The following RBM5 variants were observed in gnomAD, a reference collection of about 807,000 sequenced individuals.
RBM5 encodes RNA-binding protein 5.
Under a neutral mutation model 124.6 loss-of-function variants are expected in RBM5, and 15 were observed. That is an observed-to-expected ratio of 0.12 (90% CI 0.08 to 0.19). The LOEUF (loss-of-function observed/expected upper bound fraction) is 0.19, where lower values mean the gene tolerates loss of function less well. RBM5 is among the 10% of genes least tolerant of loss of function. The probability of loss-of-function intolerance (pLI) is 1.00; values close to 1 mark genes in which losing one functional copy is unlikely to be tolerated. For synonymous variants in RBM5, 337 were observed against 361.2 expected (o/e 0.93, Z 0.76); for missense variants, 580 against 1,026.5 (o/e 0.57, Z 5.94).
chr3:50,104,615 C>A, intron 8 of RBM5: 1 of 298,922 alleles, frequency 3.3e-6, no homozygotes, highest in Non-Finnish European at 6.3e-6. Context: ...TGCACTCCAG[C>A]CTGGGCAACA....
At chr3:50,098,398 A>G (rs968636710) in intron 4 of RBM5, among the ~76,000 whole-genome samples, 1 of 151,784 alleles carries the variant, frequency 6.6e-6, no homozygotes, top group Non-Finnish European at 1.5e-5. Flanking sequence ...CTCCCAGGTA[A>G]CTAGGACTAC....
chr3:50,103,128 A>C lies in RBM5; in HGVS notation c.529A>C (p.Asn177His), dbSNP rs1380886384. 4 of 1,612,846 alleles carry C rather than the reference A, an allele frequency of 2.5e-6. No homozygotes were observed. The highest frequency in any genetic ancestry group is 3.4e-6 in the Non-Finnish European group (4 of 1,178,912). Residue 177 changes from asparagine to histidine, a missense_variant, in exon 7 of 25, where the codon AAT becomes CAT. Asn to His is a moderately conservative substitution (Grantham distance 68). This residue lies in a region of RBM5 where 101 missense variants were observed against 223.2 expected (regional missense o/e 0.45). Coordinates refer to ENST00000347869, the MANE Select transcript of RBM5 (RefSeq NM_005778.4). ...AAAGCACATTGCAATGCATTATAGC[A>C]ATCCCAGACCTAAGTTTGAAGATTG... Reference protein sequence around the residue: ...QGKHIAMHYSNPRPKFEDWLC... With the variant: ...QGKHIAMHYSHPRPKFEDWLC...
intron 12 of RBM5, 98 bp downstream of exon 12, chr3:50,107,667 CTTTTCTTTTT>C: frequency 2.2e-5 from 3 of 135,136 alleles, no homozygotes; most frequent in Non-Finnish European, 4.0e-5. Flanking sequence ...GAGCTCTTTT[CTTTTCTTTTT>C]TTTTTTTTTT....
chr3:50,112,414 T>TAAAAAAAAAAAAAAAA (rs58011975), intron 17 of RBM5, among the ~76,000 whole-genome samples: 1 of 88,240 alleles, frequency 1.1e-5, no homozygotes, highest in African/African-American at 4.8e-5. Flanking sequence ...AGACTCTGTC[T>TAAAAAAAAAAAAAAAA]AAAAAAAAAA....
chr3:50,105,282 C>G (rs1575320467), intron 9 of RBM5, 140 bp downstream of exon 9: 1 of 716,742 alleles, frequency 1.4e-6, no homozygotes, highest in East Asian at 2.8e-5. Flanking sequence ...GTGGCACACA[C>G]CTGTAATCCC....
rs1481812649 is a variant in RBM5 at position 50,113,388 on chromosome 3, C to T, written c.1461C>T (p.Tyr487=). 1.2e-6 allele frequency: 2 copies of T among 1,610,236 alleles called. No individual in the cohort carries two copies. The highest frequency in any genetic ancestry group is 2.7e-5 in the African/African-American group (2 of 74,702). ...TTTTGTTTGTTGTTTTCTAGTACTACTATAATTCCTTGACCCAGCAGTACC... is the reference window on the plus strand; with the variant it reads ...TTTTGTTTGTTGTTTTCTAGTACTATTATAATTCCTTGACCCAGCAGTACC... The part of the protein sequence containing the change: ...GLYYDPNSQY[Y]YNSLTQQYLY... The change falls in exon 18 of 25, where the codon TAC becomes TAT. Residue 487 remains tyrosine, a synonymous_variant. Coordinates refer to ENST00000347869, the MANE Select transcript of RBM5 (RefSeq NM_005778.4).
Position 50,118,554 on chromosome 3 carries a change from GTTAATAGATC to G in RBM5, c.*102_*111del, listed in dbSNP as rs2091301187. 1 of 1,479,090 alleles carries G rather than the reference GTTAATAGATC, an allele frequency of 6.8e-7. No individual in the cohort carries two copies. The highest frequency in any genetic ancestry group is 2.0e-5 in the Admixed American group (1 of 50,276). The allele number at this position is 1,479,090 out of a possible 1,614,324, so 91.6% of individuals were successfully genotyped here. ...TCTCTTTAAGGGCATGCCTTGTGCT[GTTAATAGATC>G]TTAGGGTGAACCACTTCATTCTGCA... On this transcript the variant is annotated 3_prime_UTR_variant, in exon 25 of 25. Coordinates refer to ENST00000347869, the MANE Select transcript of RBM5 (RefSeq NM_005778.4).
At position 50,092,087 on chromosome 3, in the gene RBM5, A is replaced by G; in HGVS notation, c.62A>G (p.Asp21Gly). ...AGTGGAAGATACGGTTCCATCATAGACAGGGATGACCGTGATGAGCGTGAA... is the reference window on the plus strand; with the variant it reads ...AGTGGAAGATACGGTTCCATCATAGGCAGGGATGACCGTGATGAGCGTGAA... ...ERSGRYGSII[D>G]RDDRDERESR... Residue 21 changes from aspartate (D) to glycine (G), a missense_variant, in exon 3 of 25, where the codon GAC becomes GGC. This residue lies in a region of RBM5 where 99 missense variants were observed against 121.1 expected (regional missense o/e 0.82). Transcript: ENST00000347869. 1 of 1,614,128 alleles carries G rather than the reference A, an allele frequency of 6.2e-7. No homozygotes were observed. The highest frequency in any genetic ancestry group is 8.5e-7 in the Non-Finnish European group (1 of 1,179,976).
chr3:50,100,267 G>T lies in RBM5; in HGVS notation c.409+216G>T. On this transcript the variant is annotated intron_variant, in intron 5 of 24. Transcript: ENST00000347869. This position sits in a 1 kb window ranked among gnomAD's most constrained non-coding sequence, Gnocchi z 5.1. ...ACTTTTTTTTCCTTAGGTAAGTAAT[G>T]ATTTATAAACTCCTTTTTTTTTTTG... is the stretch of plus-strand genomic sequence containing the variant. The T allele has an allele frequency of 5.3e-6, 3 of 571,238 alleles. No homozygotes were observed. The highest frequency in any genetic ancestry group is 2.7e-5 in the South Asian group (1 of 36,986). The allele number at this position is 571,238 out of a possible 1,614,324, so 35.4% of individuals were successfully genotyped here.
intron 4 of RBM5, chr3:50,099,467 GC>G (rs768843525): frequency 1.3e-5 from 2 of 152,140 alleles, no homozygotes; most frequent in Admixed American, 6.6e-5. Context: ...GATATGGGAG[GC>G]TGGCATATCA....
intron 7 of RBM5, among the ~76,000 whole-genome samples, chr3:50,103,956 C>A (rs548956685): frequency 6.6e-6 from 1 of 152,276 alleles, no homozygotes; most frequent in East Asian, 1.9e-4. Flanking sequence ...TCTGTTGATA[C>A]AAGGAAGAGC....
Position 50,117,473 on chromosome 3 carries a change from C to A in RBM5, c.2322+94C>A. ...ACTCATAGAGCCTGGGAGCCAGGAG[C>A]AGCTTTACCTTAGCATGAAGGGGCA... On this transcript the variant is annotated intron_variant, in intron 24 of 24. Transcript: ENST00000347869. This position sits in a 1 kb window ranked among gnomAD's most constrained non-coding sequence, Gnocchi z 4.2. The A allele has an allele frequency of 6.5e-7, 1 of 1,537,138 alleles. No individual in the cohort carries two copies. The highest frequency in any genetic ancestry group is 1.2e-5 in the South Asian group (1 of 83,516).
intron 3 of RBM5, among the ~76,000 whole-genome samples, chr3:50,092,555 C>G (rs1279880232): frequency 6.8e-6 from 1 of 147,862 alleles, no homozygotes; most frequent in African/African-American, 2.5e-5. Context: ...AAGCAAGACT[C>G]CATCTCAAAA....
At position 50,100,471 on chromosome 3, in the gene RBM5, A is replaced by G; in HGVS notation, c.410-61A>G. On this transcript the variant is annotated intron_variant, in intron 5 of 24. Transcript: ENST00000347869. This position sits in a 1 kb window ranked among gnomAD's most constrained non-coding sequence, Gnocchi z 5.1. ...TGTTGAAGCAGTGGGAGAGAGATTC[A>G]CCTGTTATAAAGGAACTGACTAACA... 1 of 1,380,820 alleles carries G rather than the reference A, an allele frequency of 7.2e-7. No individual in the cohort carries two copies. The highest frequency in any genetic ancestry group is 1.0e-6 in the Non-Finnish European group (1 of 973,828). 85.5% of individuals were successfully genotyped at this position (1,380,820 alleles called of 1,614,324 possible).
chr3:50,093,368 G>A (rs766438814), intron 3 of RBM5, among the ~76,000 whole-genome samples: 1 of 151,736 alleles, frequency 6.6e-6, no homozygotes, highest in African/African-American at 2.4e-5. Context: ...GAACCCAGGA[G>A]GCAGAGGTTG....
rs1205677555 is a variant in RBM5 at position 50,106,773 on chromosome 3, T to A, written c.862T>A (p.Ser288Thr). 1 of 1,604,994 alleles carries A rather than the reference T, an allele frequency of 6.2e-7. No homozygotes were observed. Among genetic ancestry groups the A allele is most frequent in the Non-Finnish European group, 8.5e-7 (1 of 1,171,826 alleles). The stretch of plus-strand genomic sequence containing the variant: ...CCTTCACATTCTCCTTCAGGATGCT[T>A]CTCAGCTGCTTCAGATATTACAGAG... ...FVQLSSAMDASQLLQILQSLH... is the reference protein window; with the variant it reads ...FVQLSSAMDATQLLQILQSLH... The change falls in exon 11 of 25, where the codon TCT (serine) becomes ACT (threonine). Residue 288 changes from serine (S) to threonine (T), a missense_variant. Around this residue, in one of 6 missense-constraint regions of RBM5, gnomAD observed 42 missense variants for 101.1 expected, o/e 0.42. Coordinates refer to ENST00000347869, the MANE Select transcript of RBM5 (RefSeq NM_005778.4).
At position 50,099,973 on chromosome 3, in the gene RBM5, C is replaced by T; in HGVS notation, c.340-9C>T. 6 of 1,612,376 alleles carry T rather than the reference C, an allele frequency of 3.7e-6. No homozygotes were observed. Among genetic ancestry groups the T allele is most frequent in the Non-Finnish European group, 5.1e-6 (6 of 1,179,170 alleles). The stretch of plus-strand genomic sequence containing the variant: ...GCTTTAACTGTAAATAATGTAAAAC[C>T]CTGTGCAGATTCGAGAAATGATGGA... On this transcript the variant is annotated splice_polypyrimidine_tract_variant and intron_variant, in intron 4 of 24. Coordinates refer to ENST00000347869, the MANE Select transcript of RBM5 (RefSeq NM_005778.4).
chr3:50,115,759 G>A, intron 21 of RBM5, 147 bp from the exon 22 acceptor site: 1 of 1,186,544 alleles, frequency 8.4e-7, no homozygotes, highest in Non-Finnish European at 1.2e-6. Context: ...GAGTCTGGCA[G>A]CTCCACACAC....
At chr3:50,114,323 C>A in intron 20 of RBM5, 72 bp downstream of exon 20, 1 of 1,435,368 alleles carries the variant, frequency 7.0e-7, no homozygotes, top group Non-Finnish European at 9.5e-7. Context: ...TCAACTGCAT[C>A]TTGGCTAATG....
Sources: gnomAD v4.1 joint callset for allele counts (sites outside exome capture counted in the v4.1 genomes callset) on GRCh38, gnomAD v4.1.1 for gene constraint, gnomAD v4.1.1 regional missense constraint, Gnocchi (gnomAD v3.1) non-coding constraint, MANE v1.5 for transcripts, NCBI Gene and HGNC (gene_info 2026-07-23, HGNC 2026-07-21) for gene names.